PABIR3: variants seen among roughly 807,000 people sequenced by gnomAD.
The protein encoded by PABIR3 is PABIR family member 1.
In PABIR3, 20 loss-of-function variants were observed where a neutral mutation model predicts 23.1. The ratio of observed to expected loss-of-function variants is 0.86; its 90% CI spans 0.61 to 1.26. The LOEUF (loss-of-function observed/expected upper bound fraction) is 1.26. Among genes scored for constraint, PABIR3 ranks in the 50% most tolerant of loss-of-function variants. The pLI, the probability that PABIR3 is intolerant of heterozygous loss-of-function variation, is 0.00. For missense variants in PABIR3, 189 were observed against 195.4 expected, an observed-to-expected ratio of 0.97 and a Z score of 0.20; for synonymous variants, 69 against 68.5, an observed-to-expected ratio of 1.01 and a Z score of -0.04.
intron 4 of PABIR3, among the ~76,000 whole-genome samples, chrX:134,831,475 T>C (rs2081776790): frequency 8.9e-6 from 1 of 111,894 alleles, no homozygotes; most frequent in South Asian, 3.7e-4. Flanking sequence ...CCCCATTACC[T>C]TCTGAACTTT....
At chrX:134,805,853 C>T (rs2080207302), upstream of PABIR3, among the ~76,000 whole-genome samples, 2 of 109,927 alleles carry the variant, frequency 1.8e-5, no homozygotes, top group African/African-American at 6.6e-5. Context: ...GCCAAGATTG[C>T]GCCATTGCAC....
chrX:134,855,634 T>C (rs1171421696), downstream of PABIR3, among the ~76,000 whole-genome samples: 1 of 110,661 alleles, frequency 9.0e-6, no homozygotes, highest in Non-Finnish European at 1.9e-5. Context: ...ATGATAGAAA[T>C]CTGATGTGGG....
At position 134,842,132 on chromosome X, in the gene PABIR3, G is replaced by A. The variant is rs141280041; in HGVS notation, c.247-3073G>A. 6.4e-3 allele frequency among the ~76,000 whole-genome samples: 717 copies of A among 111,863 alleles called. 2 individuals carry two copies. The highest frequency in any genetic ancestry group is 0.022 in the African/African-American group (689 of 30,822). Reference sequence around the variant, plus strand: ...TTTTGGTCATTTGTATGTATTCTTTGGAGAAACATTCAGTCTCTTTACTCA... The same window carrying A: ...TTTTGGTCATTTGTATGTATTCTTTAGAGAAACATTCAGTCTCTTTACTCA... On this transcript the variant is annotated intron_variant, in intron 4 of 10. Transcript: ENST00000645433.
chrX:134,836,026 C>T (rs1178459059), intron 4 of PABIR3, among the ~76,000 whole-genome samples: 5 of 111,573 alleles, frequency 4.5e-5, no homozygotes, highest in Admixed American at 1.9e-4. Context: ...TTAGTAGAGA[C>T]GGGGTTTCAC....
rs765144124 is a variant in PABIR3 at position 134,847,388 on chromosome X, C to T, written c.351C>T (p.Asp117=). 8.3e-7 allele frequency: 1 copy of T among 1,199,591 alleles called. No individual in the cohort carries two copies. Among genetic ancestry groups the T allele is most frequent in the Non-Finnish European group, 1.1e-6 (1 of 885,922 alleles). Residue 117 remains aspartate, a synonymous_variant, in exon 7 of 11, where the codon GAC becomes GAT. Coordinates refer to ENST00000645433, the MANE Select transcript of PABIR3 (RefSeq NM_001388447.1). ...HSWEEGLKLN[D]NGLQKSSSLK... ...ACTGCTTTCTGCTTACACAGAATGA[C>T]AATGGCTTACAGAAATCATCCTCTC...
intron 3 of PABIR3, 117 bp from the exon 4 acceptor site, chrX:134,829,109 G>T: frequency 1.8e-6 from 1 of 563,789 alleles, no homozygotes; most frequent in Admixed American, 2.7e-5. Flanking sequence ...TGATACTGTT[G>T]CTGGCATGCA....
upstream of PABIR3, among the ~76,000 whole-genome samples, chrX:134,802,667 T>C (rs2080097727): frequency 8.9e-6 from 1 of 112,200 alleles, no homozygotes; most frequent in Non-Finnish European, 1.9e-5. Context: ...TATGTGCCAA[T>C]TGCACTACAT....
chrX:134,814,813 G>T lies in PABIR3; in HGVS notation c.153G>T (p.Arg51Ser). 8.3e-7 allele frequency: 1 copy of T among 1,202,761 alleles called. No homozygotes were observed. Among genetic ancestry groups the T allele is most frequent in the Non-Finnish European group, 1.1e-6 (1 of 891,516 alleles). Residue 51 changes from arginine (R) to serine (S), a missense_variant, in exon 3 of 11, where the codon AGG (arginine) becomes AGT (serine). Coordinates refer to ENST00000645433, the MANE Select transcript of PABIR3 (RefSeq NM_001388447.1). The stretch of plus-strand genomic sequence containing the variant: ...TGCAAGCTGACATGTTAAGAATTAG[G>T]ACAAACAGAACAACATTTAGGAATC... ...QVLQADMLRI[R>S]TNRTTFRNRR...
In PABIR3 at chrX:134,849,869, C is replaced by CTTTTTTTTTTTTTTTTT. The variant is rs374919785; in HGVS notation, c.589+643_589+659dup. On this transcript the variant is annotated intron_variant, in intron 9 of 10. Coordinates refer to ENST00000645433, the MANE Select transcript of PABIR3 (RefSeq NM_001388447.1). ...ACCTCACTAAATTATGCTCTTCTTC[C>CTTTTTTTTTTTTTTTTT]TTTTTTTTTTTTTTTTTTCTTGAGA... is the stretch of plus-strand genomic sequence containing the variant. 1.3e-3 allele frequency among the ~76,000 whole-genome samples: 78 copies of CTTTTTTTTTTTTTTTTT among 58,843 alleles called. 9 individuals are homozygous for CTTTTTTTTTTTTTTTTT. The highest frequency in any genetic ancestry group is 5.9e-3 in the South Asian group (3 of 505). The allele number at this position is 58,843 out of a possible 115,157, so 51.1% of individuals were successfully genotyped here.
In PABIR3 at chrX:134,821,404, C is replaced by T. The variant is rs377622533; in HGVS notation, c.189+6555C>T. 1,815 of 1,152,946 alleles carry T rather than the reference C, an allele frequency of 1.6e-3. 23 individuals carry two copies. In the South Asian group the frequency reaches 0.032, roughly 20 times the overall value. On this transcript the variant is annotated intron_variant, in intron 3 of 10. Transcript: ENST00000645433. ...CTTGAGACTATGCCTTCTCCCAAAT[C>T]GCCCCTTTGCTTTATCTCCTAAGAA...
At chrX:134,840,859 T>C (rs771776627) in intron 4 of PABIR3, among the ~76,000 whole-genome samples, 1 of 109,985 alleles carries the variant, frequency 9.1e-6, no homozygotes, top group African/African-American at 3.3e-5. Context: ...TCTCCTAAAC[T>C]TTTGTTCATA....
At chrX:134,817,899 G>A (rs947873843) in intron 3 of PABIR3, among the ~76,000 whole-genome samples, 6 of 111,530 alleles carry the variant, frequency 5.4e-5, no homozygotes, top group Non-Finnish European at 7.5e-5. Flanking sequence ...GAGGGCAAAC[G>A]TATATGCAAG....
At chrX:134,837,426 G>A (rs1446119173) in intron 4 of PABIR3, among the ~76,000 whole-genome samples, 3 of 111,740 alleles carry the variant, frequency 2.7e-5, no homozygotes, top group Non-Finnish European at 5.6e-5. Flanking sequence ...TGGGTACTGT[G>A]CAGGCACTCA....
chrX:134,804,934 TCTC>T (rs1299886978), upstream of PABIR3, among the ~76,000 whole-genome samples: 3 of 112,799 alleles, frequency 2.7e-5, no homozygotes, highest in Non-Finnish European at 5.6e-5. Flanking sequence ...TAGCCTGAAT[TCTC>T]CTGCTATCTA....
intron 10 of PABIR3, 89 bp from the exon 11 acceptor site, chrX:134,854,002 T>G: frequency 1.0e-6 from 1 of 988,296 alleles, no homozygotes; most frequent in South Asian, 2.6e-5. Flanking sequence ...TTGTTAGTCA[T>G]GTATTTTGCA....
chrX:134,852,715 CA>C, intron 9 of PABIR3, 84 bp from the exon 10 acceptor site: 6 of 478,324 alleles, frequency 1.3e-5, no homozygotes, highest in Non-Finnish European at 1.9e-5. Context: ...AAATTAATTG[CA>C]GTGAATAAGT....
chrX:134,830,831 G>C (rs1216994741), intron 4 of PABIR3, among the ~76,000 whole-genome samples: 1 of 111,182 alleles, frequency 9.0e-6, no homozygotes, highest in Non-Finnish European at 1.9e-5. Context: ...TGCTGGTGAA[G>C]CTTGATATAA....
intron 3 of PABIR3, chrX:134,822,784 A>G (rs2081346301): frequency 2.0e-5 from 6 of 297,877 alleles, no homozygotes; most frequent in Non-Finnish European, 2.7e-5. Context: ...GGAGGATGTG[A>G]GGAGGGAAGC....
chrX:134,855,673 C>T (rs1255250927), downstream of PABIR3, among the ~76,000 whole-genome samples: 1 of 110,577 alleles, frequency 9.0e-6, no homozygotes, highest in East Asian at 2.8e-4. Context: ...AAAGACTGTG[C>T]CACTAACAAT....
Sources: allele counts gnomAD v4.1 joint callset (sites outside exome capture counted in the v4.1 genomes callset), GRCh38; gene constraint gnomAD v4.1.1; transcripts MANE v1.5; gene names NCBI Gene and HGNC (gene_info 2026-07-23, HGNC 2026-07-21).